ADAM8: variants seen among roughly 807,000 people sequenced by gnomAD.
ADAM8 encodes the protein ADAM metallopeptidase domain 8, also known as disintegrin and metalloproteinase domain-containing protein 8.
A neutral mutation model predicts 102.4 loss-of-function variants in ADAM8; 104 were observed. That is an observed-to-expected ratio of 1.02 (90% confidence interval 0.87 to 1.20). The LOEUF (loss-of-function observed/expected upper bound fraction) is 1.20. ADAM8 is among the 50% of genes most tolerant of loss of function. The pLI, the probability that ADAM8 is intolerant of heterozygous loss-of-function variation, is 0.00. For synonymous variants in ADAM8, 517 were observed against 485.2 expected, an observed-to-expected ratio of 1.07 and a Z score of -0.86; for missense variants, 1,132 against 1,159.0, an observed-to-expected ratio of 0.98 and a Z score of 0.34.
At chr10:133,267,257 G>T in intron 21 of ADAM8, 95 bp downstream of exon 21, 2 of 1,369,696 alleles carry the variant, frequency 1.5e-6, no homozygotes, top group Non-Finnish European at 2.0e-6. Context: ...GCCACCTGGG[G>T]ATCCCTGGCC....
chr10:133,273,912 C>A (rs762013231), intron 4 of ADAM8, 39 bp downstream of exon 4: 66 of 1,565,510 alleles, frequency 4.2e-5, no homozygotes, highest in Non-Finnish European at 5.5e-5. Context: ...GGCCGCCCAG[C>A]CCCTACCTGC....
Position 133,271,692 on chromosome 10 carries a change from T to C in ADAM8, c.1120A>G (p.Arg374Gly), listed in dbSNP as rs759358604. 3.2e-5 allele frequency: 51 copies of C among 1,580,444 alleles called. No homozygotes were observed. Among genetic ancestry groups the C allele is most frequent in the East Asian group, 2.3e-5 (1 of 43,014 alleles). The change falls in exon 12 of 23, where the codon AGG (arginine) becomes GGG (glycine). Residue 374 changes from arginine (R) to glycine (G), a missense_variant. Physicochemically the swap from Arg to Gly is moderately radical, Grantham distance 125 (BLOSUM62 -2). Transcript: ENST00000445355. ...GCCTGGCTGCAGTCACTGAACATCC[T>C]GGGGAAACTGGAGCTGGGGAGGCGG... ...MAGSIGSSFP[R>G]MFSDCSQAYL...
chr10:133,273,709 T>G, intron 5 of ADAM8, 53 bp downstream of exon 5: 12 of 1,419,016 alleles, frequency 8.5e-6, no homozygotes, highest in Non-Finnish European at 1.1e-5. Context: ...CACCACAGGC[T>G]TAGGCCTTCC....
rs534961799 is a variant in ADAM8, at chr10:133,273,518, A to C, written c.384-75T>G. ...CCTGCCCCGAAGGACCAGAGGCTCC[A>C]GTTTGTTGCCTACAGCTCCCCCTAC... On this transcript the variant is annotated intron_variant, in intron 5 of 22. Coordinates refer to ENST00000445355, the MANE Select transcript of ADAM8 (RefSeq NM_001109.5). 14 of 1,448,552 alleles carry C rather than the reference A, an allele frequency of 9.7e-6. No individual in the cohort carries two copies. In the East Asian group the frequency reaches 3.2e-4, roughly 34 times the overall value. The allele number at this position is 1,448,552 out of a possible 1,614,324, so 89.7% of individuals were successfully genotyped here.
chr10:133,263,593 CCCCA>C, intron 22 of ADAM8, 91 bp downstream of exon 22: 1 of 59,540 alleles, frequency 1.7e-5, no homozygotes, highest in Non-Finnish European at 2.5e-5. Context: ...CAGAAAAAAA[CCCCA>C]CCCTCCAGGG....
In ADAM8 at chr10:133,274,025, G is replaced by C. The variant is rs1244618088; in HGVS notation, c.232C>G (p.Leu78Val). ...FTLHLRKNRD[L>V]LGSGYTETYT... ...GTCTCTGTGTAGCCGGAGCCCAGCA[G>C]GTCCCTGGAAAAGAAGTGCTGTGAC... is the stretch of plus-strand genomic sequence containing the variant. Residue 78 changes from leucine to valine, a missense_variant, in exon 4 of 23, where the codon CTG (leucine) becomes GTG (valine). Leu to Val is a conservative substitution (Grantham distance 32). Transcript: ENST00000445355. 1.2e-6 allele frequency: 2 copies of C among 1,605,794 alleles called. No individual in the cohort carries two copies. Among genetic ancestry groups the C allele is most frequent in the African/African-American group, 2.7e-5 (2 of 74,848 alleles).
intron 21 of ADAM8, 108 bp from the exon 22 acceptor site, chr10:133,263,873 T>C (rs146302090): frequency 1.3e-5 from 13 of 1,013,800 alleles, no homozygotes; most frequent in Non-Finnish European, 1.8e-5. Context: ...GACCTCGCTC[T>C]GCCCCCCAGG....
chr10:133,269,700 G>C (rs1471727387), intron 17 of ADAM8, among the ~76,000 whole-genome samples, 171 bp from the exon 18 acceptor site: 2 of 152,186 alleles, frequency 1.3e-5, no homozygotes, highest in Non-Finnish European at 2.9e-5. Flanking sequence ...CCCGCTGCCC[G>C]GTGACCATGC....
chr10:133,273,657 G>T, intron 5 of ADAM8, 105 bp downstream of exon 5: 1 of 1,374,750 alleles, frequency 7.3e-7, no homozygotes, highest in Non-Finnish European at 9.9e-7. Context: ...AAAGGCCTGA[G>T]TGGGAGGAGG....
In ADAM8 at chr10:133,273,433, G is replaced by A. The variant is rs1846626138; in HGVS notation, c.394C>T (p.Gln132Ter). Reference protein sequence around the residue: ...STCAGLRGFFQVGSDLHLIEP... With the variant: ...STCAGLRGFF ...ATCAGGTGCAGGTCTGACCCCACCT[G>A]GAAGAAACCCCTGAGGGGAGTGGGA... Residue 132 changes from glutamine (Q) to a stop codon, truncating the protein, a stop_gained, in exon 6 of 23, where the codon CAG becomes TAG. Transcript: ENST00000445355. LOFTEE classifies it high-confidence loss of function. 1 of 1,540,230 alleles carries A rather than the reference G, an allele frequency of 6.5e-7. No homozygotes were observed. Among genetic ancestry groups the A allele is most frequent in the Non-Finnish European group, 8.8e-7 (1 of 1,139,958 alleles).
chr10:133,271,839 T>A lies in ADAM8; in HGVS notation c.1073A>T (p.Glu358Val). 1 of 1,612,324 alleles carries A rather than the reference T, an allele frequency of 6.2e-7. No homozygotes were observed. The highest frequency in any genetic ancestry group is 8.5e-7 in the Non-Finnish European group (1 of 1,179,750). Residue 358 changes from glutamate (E) to valine (V), a missense_variant, in exon 11 of 23, where the codon GAG (glutamate) becomes GTG (valine). Glu to Val is a moderately radical substitution (Grantham distance 121). Coordinates refer to ENST00000445355, the MANE Select transcript of ADAM8 (RefSeq NM_001109.5). Reference sequence around the variant, plus strand: ...GCCCGCCATGATGCAGCGGCCGGCCTCGAAGCGTTCCTGGCAGCGGCAGCC... The same window carrying A: ...GCCCGCCATGATGCAGCGGCCGGCCACGAAGCGTTCCTGGCAGCGGCAGCC... ...VQGCRCQERF[E>V]AGRCIMAGSI...
At position 133,271,253 on chromosome 10, in the gene ADAM8, G is replaced by A. The variant is rs866858696; in HGVS notation, c.1321C>T (p.Gln441Ter). 28 of 1,611,434 alleles carry A rather than the reference G, an allele frequency of 1.7e-5. 1 individual carries two copies. Among genetic ancestry groups the A allele is most frequent in the South Asian group, 2.2e-5 (2 of 90,976 alleles). ...GCACACTGGGCCCCCTCAGCCAGCT[G>A]GCAGGTGGTAGAGTTGCAGCAGCGG... ...RNRCCNSTTC[Q>*]LAEGAQCAHG... The change falls in exon 13 of 23, where the codon CAG becomes TAG. Residue 441 changes from glutamine to a stop codon, truncating the protein, a stop_gained. Coordinates refer to ENST00000445355, the MANE Select transcript of ADAM8 (RefSeq NM_001109.5). LOFTEE classifies it high-confidence loss of function.
intron 21 of ADAM8, among the ~76,000 whole-genome samples, chr10:133,266,904 C>T (rs1020466920): frequency 3.9e-5 from 6 of 152,176 alleles, no homozygotes; most frequent in Non-Finnish European, 8.8e-5. Context: ...GGAGTTAACC[C>T]TCAGCATGCC....
intron 19 of ADAM8, among the ~76,000 whole-genome samples, chr10:133,268,388 G>A (rs1046019144): frequency 9.2e-5 from 14 of 152,200 alleles, no homozygotes; most frequent in Non-Finnish European, 1.9e-4. Context: ...CTCCTGCTGT[G>A]TGGGGGTCCA....
intron 5 of ADAM8, 135 bp from the exon 6 acceptor site, chr10:133,273,578 GC>G: frequency 7.8e-7 from 1 of 1,282,520 alleles, no homozygotes; most frequent in Non-Finnish European, 1.1e-6. Context: ...GTGACTTCAG[GC>G]CCCAGGGTAC....
At position 133,262,783 on chromosome 10, in the gene ADAM8, G is replaced by A. The variant is rs1284762937; in HGVS notation, c.*373C>T. 3.5e-5 allele frequency: 8 copies of A among 228,574 alleles called. No homozygotes were observed. Among genetic ancestry groups the A allele is most frequent in the Non-Finnish European group, 6.1e-5 (7 of 114,344 alleles). 14.2% of individuals were successfully genotyped at this position (228,574 alleles called of 1,614,324 possible). A position where few individuals can be genotyped will look rare whatever the true frequency, so the allele number is the denominator to read the frequency against. ...CTGGAACCGGGTGCCCAGGGCAGCC[G>A]GCTCAGCAGGCCCCAGAGCAGGGGC... On this transcript the variant is annotated 3_prime_UTR_variant, in exon 23 of 23. Coordinates refer to ENST00000445355, the MANE Select transcript of ADAM8 (RefSeq NM_001109.5).
intron 20 of ADAM8, among the ~76,000 whole-genome samples, 158 bp downstream of exon 20, chr10:133,267,771 A>C (rs1273671867): frequency 6.6e-6 from 1 of 152,252 alleles, no homozygotes; most frequent in African/African-American, 2.4e-5. Context: ...TGTTCCCAGC[A>C]GGGCGACCAC....
intron 1 of ADAM8, among the ~76,000 whole-genome samples, chr10:133,276,514 A>G (rs1360010952): frequency 1.3e-5 from 2 of 152,150 alleles, no homozygotes; most frequent in African/African-American, 4.8e-5. Flanking sequence ...CCCCGACCCC[A>G]CTAACAAGCT....
chr10:133,273,068 T>C (rs1846608102), intron 6 of ADAM8, 49 bp from the exon 7 acceptor site: 2 of 1,611,736 alleles, frequency 1.2e-6, no homozygotes, highest in Non-Finnish European at 1.7e-6. Flanking sequence ...CGCCGGGGCC[T>C]GGACCCTCCC....
Sources: gnomAD v4.1 joint callset for allele counts (sites outside exome capture counted in the v4.1 genomes callset) on GRCh38, gnomAD v4.1.1 for gene constraint, MANE v1.5 for transcripts, NCBI Gene and HGNC (gene_info 2026-07-23, HGNC 2026-07-21) for gene names.